The following FBXL13 variants were observed in gnomAD, a reference collection of about 807,000 sequenced individuals.
The protein encoded by FBXL13 is F-box and leucine-rich repeat protein 13.
In FBXL13, 67 loss-of-function variants were observed where a neutral mutation model predicts 83.6. The ratio of observed to expected loss-of-function variants is 0.80; its 90% CI spans 0.66 to 0.98. The LOEUF (loss-of-function observed/expected upper bound fraction) is 0.98, where lower values mean the gene tolerates loss of function less well. Ranked by LOEUF, FBXL13 falls within the 50% of genes least tolerant of loss-of-function variation. The pLI, the probability that FBXL13 is intolerant of heterozygous loss-of-function variation, is 0.00. For synonymous variants in FBXL13, 272 were observed against 299.5 expected (o/e 0.91, Z 0.95); for missense variants, 822 against 866.5 (o/e 0.95, Z 0.64).
intron 8 of FBXL13, among the ~76,000 whole-genome samples, chr7:102,959,199 AACT>A (rs1449231109): frequency 2.6e-5 from 4 of 152,128 alleles, no homozygotes; most frequent in African/African-American, 7.2e-5. Flanking sequence ...TCATATAAAA[AACT>A]ACTGCTTTGT....
At chr7:102,886,150 T>A (rs1342434743) in intron 11 of FBXL13, among the ~76,000 whole-genome samples, 2 of 152,190 alleles carry the variant, frequency 1.3e-5, no homozygotes, top group African/African-American at 4.8e-5. Flanking sequence ...TGAATTACCT[T>A]AAGATAATTT....
chr7:102,962,483 G>C (rs530444493), intron 8 of FBXL13, among the ~76,000 whole-genome samples: 94 of 152,282 alleles, frequency 6.2e-4, no homozygotes, highest in African/African-American at 2.1e-3. Context: ...CCATTACTGA[G>C]TATATACCCA....
At chr7:102,923,309 C>T (rs1029107356) in intron 10 of FBXL13, among the ~76,000 whole-genome samples, 1 of 152,080 alleles carries the variant, frequency 6.6e-6, no homozygotes, top group East Asian at 1.9e-4. Context: ...AATCAAGCCC[C>T]GATTTGTAGT....
intron 7 of FBXL13, among the ~76,000 whole-genome samples, chr7:102,967,030 T>G (rs181698998): frequency 3.7e-4 from 57 of 152,052 alleles, no homozygotes; most frequent in African/African-American, 1.3e-3. Flanking sequence ...AGTGCGGTGG[T>G]GTGATCTTGG....
intron 8 of FBXL13, among the ~76,000 whole-genome samples, chr7:102,941,975 G>A (rs542139200): frequency 4.3e-4 from 66 of 152,138 alleles, no homozygotes; most frequent in Non-Finnish European, 9.1e-4. Context: ...TTCATCAGTT[G>A]TGGAATTCCC....
Position 102,963,527 on chromosome 7 carries a change from A to C in FBXL13, c.724+6T>G, listed in dbSNP as rs750194009. ...CAAGACAAATAGTTGTAATGAACAT[A>C]CTTACTGACAGATCTGAAAGTTTTG... is the stretch of plus-strand genomic sequence containing the variant. On this transcript the variant is annotated splice_donor_region_variant and intron_variant, in intron 8 of 19. Coordinates refer to ENST00000313221, the Ensembl canonical transcript of FBXL13. 5.0e-6 allele frequency: 8 copies of C among 1,609,628 alleles called. No homozygotes were observed. In the Admixed American group the frequency reaches 6.8e-5, roughly 14 times the overall value.
chr7:102,972,342 T>C (rs1324290678), intron 6 of FBXL13, among the ~76,000 whole-genome samples: 1 of 152,188 alleles, frequency 6.6e-6, no homozygotes, highest in Non-Finnish European at 1.5e-5. Flanking sequence ...GAAGAAAGTA[T>C]AAATATTAAT....
rs567673558 is a variant in FBXL13 at position 102,893,854 on chromosome 7, G to A, written c.1009-9542C>T. 4.0e-5 allele frequency among the ~76,000 whole-genome samples: 6 copies of A among 149,118 alleles called. No individual in the cohort carries two copies. In the East Asian group the frequency reaches 1.2e-3, roughly 29 times the overall value. On this transcript the variant is annotated intron_variant, in intron 11 of 19. Transcript: ENST00000313221. ...GAAGGGGAAGGGAAAGGCGAAGGGA[G>A]AGAAGAGAGGCGGAGAGGAAGAAAG...
At chr7:103,058,915 A>AT in intron 1 of FBXL13, among the ~76,000 whole-genome samples, 1 of 152,232 alleles carries the variant, frequency 6.6e-6, no homozygotes, top group Non-Finnish European at 1.5e-5. Context: ...TGAAATGCTA[A>AT]TAAAGGCATA....
chr7:102,911,246 CTGAGAA>C (rs1814619726), intron 11 of FBXL13, among the ~76,000 whole-genome samples: 1 of 152,176 alleles, frequency 6.6e-6, no homozygotes, highest in South Asian at 2.1e-4. Flanking sequence ...TTTACTGTGT[CTGAGAA>C]TATTTATCCT....
At chr7:102,962,123 T>A (rs1825315149) in intron 8 of FBXL13, among the ~76,000 whole-genome samples, 2 of 151,016 alleles carry the variant, frequency 1.3e-5, no homozygotes, top group Admixed American at 6.6e-5. Flanking sequence ...TACAATGAAC[T>A]CAAACAAATT....
intron 1 of FBXL13, among the ~76,000 whole-genome samples, chr7:103,057,237 T>C (rs1330038783): frequency 6.6e-6 from 1 of 152,206 alleles, no homozygotes; most frequent in Non-Finnish European, 1.5e-5. Flanking sequence ...AAAACAAAAA[T>C]GCAGTTTATC....
intron 10 of FBXL13, among the ~76,000 whole-genome samples, chr7:102,914,767 GA>G (rs1815489737): frequency 6.6e-6 from 1 of 152,230 alleles, no homozygotes; most frequent in Non-Finnish European, 1.5e-5. Context: ...GCCTGAAGGA[GA>G]AAGCAGTGCT....
rs1441967014 is a variant in FBXL13, at chr7:102,942,455, T to C, written c.725-10522A>G. 8.3e-6 allele frequency: 7 copies of C among 840,478 alleles called. No individual in the cohort carries two copies. In the East Asian group the frequency reaches 1.7e-4, roughly 21 times the overall value. The allele number at this position is 840,478 out of a possible 1,614,324, so 52.1% of individuals were successfully genotyped here. A position where few individuals can be genotyped will look rare whatever the true frequency, so the allele number is the denominator to read the frequency against. Reference sequence around the variant, plus strand: ...AGAAAGAAGATACCCTACTAGGGGGTTTTTACCTCCTTTAAGAAACAGACT... The same window carrying C: ...AGAAAGAAGATACCCTACTAGGGGGCTTTTACCTCCTTTAAGAAACAGACT... On this transcript the variant is annotated intron_variant, in intron 8 of 19. Coordinates refer to ENST00000313221, the Ensembl canonical transcript of FBXL13.
intron 6 of FBXL13, among the ~76,000 whole-genome samples, 182 bp from the exon 8 acceptor site, chr7:102,968,299 G>A (rs751399304): frequency 6.6e-6 from 1 of 152,208 alleles, no homozygotes; most frequent in Admixed American, 6.5e-5. Flanking sequence ...TCTGAAGATA[G>A]GAGTTTTATC....
chr7:102,943,882 C>T (rs896417327), intron 8 of FBXL13, among the ~76,000 whole-genome samples: 3 of 152,186 alleles, frequency 2.0e-5, no homozygotes, highest in Non-Finnish European at 4.4e-5. Context: ...AGTTTTGCAA[C>T]TGGAAGCAAG....
At chr7:103,019,584 C>A (rs1335526730) in intron 6 of FBXL13, among the ~76,000 whole-genome samples, 1 of 151,724 alleles carries the variant, frequency 6.6e-6, no homozygotes, top group African/African-American at 2.4e-5. Flanking sequence ...TAGCAAGACT[C>A]ATAAAGAAGA....
intron 6 of FBXL13, among the ~76,000 whole-genome samples, chr7:103,008,683 G>A (rs1389083670): frequency 2.0e-5 from 3 of 151,920 alleles, no homozygotes; most frequent in African/African-American, 4.8e-5. Flanking sequence ...TCAGCCTCCC[G>A]AGTAGCTGGG....
chr7:102,884,126 T>C (rs1406997232), intron 12 of FBXL13, 88 bp downstream of exon 13: 1 of 941,384 alleles, frequency 1.1e-6, no homozygotes, highest in African/African-American at 1.6e-5. Flanking sequence ...AAATGAAAAG[T>C]CCATTCATAT....
Sources: gnomAD v4.1 joint callset for allele counts (sites outside exome capture counted in the v4.1 genomes callset) on GRCh38, gnomAD v4.1.1 for gene constraint, MANE v1.5 for transcripts, NCBI Gene and HGNC (gene_info 2026-07-23, HGNC 2026-07-21) for gene names.